KIF6: variants seen among roughly 807,000 people sequenced by gnomAD.
The protein encoded by KIF6 is kinesin family member 6, also known as kinesin-like protein KIF6.
In KIF6, 106 loss-of-function variants were observed where a neutral mutation model predicts 112.7. The ratio of observed to expected loss-of-function variants is 0.94; its 90% CI spans 0.80 to 1.11. The LOEUF is 1.11. Ranked by LOEUF, KIF6 falls within the 50% of genes least tolerant of loss-of-function variation. The pLI is 0.00. For synonymous variants in KIF6, 339 were observed against 339.9 expected, an observed-to-expected ratio of 1.00 and a Z score of 0.03; for missense variants, 929 against 964.0, an observed-to-expected ratio of 0.96 and a Z score of 0.48.
Position 39,481,488 on chromosome 6 carries a change from T to G in KIF6, c.1646-50327A>C, listed in dbSNP as rs139540411. On this transcript the variant is annotated intron_variant, in intron 13 of 22. Coordinates refer to ENST00000287152, the MANE Select transcript of KIF6 (RefSeq NM_145027.6). ...ATTAAATTTAAAACTCCTTCAGGGA[T>G]GAATTACATAAGAGCCTTTTAAACG... 2.6e-5 allele frequency among the ~76,000 whole-genome samples: 4 copies of G among 152,362 alleles called. No individual in the cohort carries two copies. The East Asian group carries it at 5.8e-4, about 22-fold the overall frequency.
chr6:39,583,618 G>GT lies in KIF6; in HGVS notation c.1077+1279dup, dbSNP rs200195723. ...AATATGGGTAACAATTAATTTGTTG[G>GT]TTTTTTTTTGATTTGAGAAATTTAT... On this transcript the variant is annotated intron_variant, in intron 9 of 22. Transcript: ENST00000287152. 1,577 of 243,246 alleles carry GT rather than the reference G, an allele frequency of 6.5e-3. 17 individuals carry two copies. The highest frequency in any genetic ancestry group is 0.029 in the African/African-American group (1,154 of 39,718). The allele number at this position is 243,246 out of a possible 1,614,324, so 15.1% of individuals were successfully genotyped here.
At chr6:39,676,063 A>AG (rs386406793) in intron 3 of KIF6, among the ~76,000 whole-genome samples, 1 of 738 alleles carries the variant, frequency 1.4e-3, no homozygotes, top group African/African-American at 1.4e-3. Context: ...GGAAATATGG[A>AG]AAAAAAAAAA....
intron 15 of KIF6, among the ~76,000 whole-genome samples, chr6:39,398,504 C>A (rs1207930437): frequency 6.6e-6 from 1 of 152,164 alleles, no homozygotes; most frequent in Non-Finnish European, 1.5e-5. Context: ...ATGAGAAAGT[C>A]TGGATATTAT....
chr6:39,632,191 A>G (rs1784388814), intron 5 of KIF6, among the ~76,000 whole-genome samples: 1 of 152,162 alleles, frequency 6.6e-6, no homozygotes, highest in Non-Finnish European at 1.5e-5. Flanking sequence ...AGAAAAAAAA[A>G]ATAGAAAAGG....
chr6:39,522,443 A>C (rs76464809), intron 13 of KIF6, among the ~76,000 whole-genome samples: 6,390 of 152,226 alleles, frequency 0.042, 265 homozygotes, highest in East Asian at 0.24. Flanking sequence ...GAATGACTGC[A>C]GCACCCACAA....
At chr6:39,676,817 A>G (rs1312625314) in intron 3 of KIF6, among the ~76,000 whole-genome samples, 1 of 152,076 alleles carries the variant, frequency 6.6e-6, no homozygotes, top group Non-Finnish European at 1.5e-5. Context: ...CAAAACAGGC[A>G]GTAGGAAAGG....
chr6:39,481,627 A>G (rs1283723178), intron 13 of KIF6, among the ~76,000 whole-genome samples: 1 of 152,162 alleles, frequency 6.6e-6, no homozygotes, highest in African/African-American at 2.4e-5. Context: ...CTCTGCACCA[A>G]ATTCAAACAT....
chr6:39,598,912 A>G (rs1453749822), intron 6 of KIF6, among the ~76,000 whole-genome samples: 3 of 152,210 alleles, frequency 2.0e-5, no homozygotes, highest in Admixed American at 6.5e-5. Context: ...AATATTATCT[A>G]TTGTTCATGA....
intron 16 of KIF6, among the ~76,000 whole-genome samples, chr6:39,377,368 C>A (rs1014276641): frequency 1.3e-5 from 2 of 151,278 alleles, no homozygotes; most frequent in African/African-American, 2.4e-5. Context: ...CCATCCCCCC[C>A]CAACCCCGGT....
intron 13 of KIF6, among the ~76,000 whole-genome samples, chr6:39,446,683 T>C (rs1230804990): frequency 6.6e-6 from 1 of 152,000 alleles, no homozygotes; most frequent in Non-Finnish European, 1.5e-5. Context: ...AGAGACGGGG[T>C]TTCACCATGT....
intron 13 of KIF6, among the ~76,000 whole-genome samples, chr6:39,522,478 C>T (rs1777454114): frequency 6.6e-6 from 1 of 152,162 alleles, no homozygotes; most frequent in African/African-American, 2.4e-5. Flanking sequence ...ACAACTCTAG[C>T]CTCAAAATTC....
intron 3 of KIF6, among the ~76,000 whole-genome samples, chr6:39,644,535 A>G (rs1004479871): frequency 6.6e-6 from 1 of 152,194 alleles, no homozygotes; most frequent in Non-Finnish European, 1.5e-5. Flanking sequence ...TTGAAAACAC[A>G]TTAAATTTTA....
At chr6:39,356,048 G>A (rs183332078) in intron 19 of KIF6, among the ~76,000 whole-genome samples, 2 of 141,024 alleles carry the variant, frequency 1.4e-5, no homozygotes, top group East Asian at 4.2e-4. Context: ...TCGGTGGTGT[G>A]TCTCCCTAGG....
At chr6:39,553,718 T>C (rs1779525655) in intron 10 of KIF6, 1 of 152,220 alleles carries the variant, frequency 6.6e-6, no homozygotes, top group Admixed American at 6.5e-5. Context: ...TATATATGTC[T>C]TATGACTAAA....
At chr6:39,581,000 CT>C (rs1174929950) in intron 9 of KIF6, among the ~76,000 whole-genome samples, 1 of 151,968 alleles carries the variant, frequency 6.6e-6, no homozygotes, top group Non-Finnish European at 1.5e-5. Context: ...TATTAATAAT[CT>C]TCCTATCATA....
intron 4 of KIF6, among the ~76,000 whole-genome samples, chr6:39,637,837 T>G (rs1406762163): frequency 1.3e-5 from 2 of 152,020 alleles, no homozygotes; most frequent in East Asian, 3.9e-4. Context: ...TTTAAATTGC[T>G]CCAATGGGCT....
intron 13 of KIF6, among the ~76,000 whole-genome samples, chr6:39,442,633 G>T (rs1771988634): frequency 6.6e-6 from 1 of 152,196 alleles, no homozygotes; most frequent in Non-Finnish European, 1.5e-5. Context: ...TGGATCTATT[G>T]AGTCTTTTCT....
intron 5 of KIF6, among the ~76,000 whole-genome samples, chr6:39,633,457 G>T (rs1784460813): frequency 6.6e-6 from 1 of 152,150 alleles, no homozygotes; most frequent in African/African-American, 2.4e-5. Context: ...TAAAATGTGG[G>T]CATTGGATTA....
chr6:39,719,996 AAAAT>A (rs1790111708), intron 2 of KIF6, among the ~76,000 whole-genome samples: 1 of 152,208 alleles, frequency 6.6e-6, no homozygotes, highest in Non-Finnish European at 1.5e-5. Context: ...AATTTAAAAT[AAAAT>A]AAATAAAACT....
Sources: gnomAD v4.1 joint callset for allele counts (sites outside exome capture counted in the v4.1 genomes callset) on GRCh38, gnomAD v4.1.1 for gene constraint, MANE v1.5 for transcripts, NCBI Gene and HGNC (gene_info 2026-07-23, HGNC 2026-07-21) for gene names.